The following SNUPN variants were observed in gnomAD, a reference collection of about 807,000 sequenced individuals.
SNUPN encodes the protein snurportin-1.
Under a neutral mutation model 39.2 loss-of-function variants are expected in SNUPN, and 31 were observed. The observed-to-expected ratio is 0.79, with a 90% CI of 0.59 to 1.07. The LOEUF is 1.07. Ranked by LOEUF, SNUPN falls within the 50% of genes least tolerant of loss-of-function variation. The pLI is 0.00. For synonymous variants in SNUPN, 132 were observed against 159.0 expected (o/e 0.83, Z 1.28); for missense variants, 382 against 434.2 (o/e 0.88, Z 1.07).
At chr15:75,617,277 T>C (rs949879916) in intron 3 of SNUPN, 131 bp downstream of exon 3, 70 of 916,722 alleles carry the variant, frequency 7.6e-5, no homozygotes, top group Non-Finnish European at 1.1e-4. Context: ...CACTGGCATG[T>C]TCTTTGCAGT....
In SNUPN at chr15:75,610,014, T is replaced by A; in HGVS notation, c.304-20A>T. 6.3e-7 allele frequency: 1 copy of A among 1,581,318 alleles called. No homozygotes were observed. ...CATCAACTGGAAATGCAAAAAATAGTGTTAAAGATCAGCAGGGGTGTGCTA... is the reference window on the plus strand; with the variant it reads ...CATCAACTGGAAATGCAAAAAATAGAGTTAAAGATCAGCAGGGGTGTGCTA... On this transcript the variant is annotated intron_variant, in intron 3 of 8. Coordinates refer to ENST00000308588, the MANE Select transcript of SNUPN (RefSeq NM_005701.4).
intron 2 of SNUPN, among the ~76,000 whole-genome samples, chr15:75,619,992 AC>A (rs1385390775): frequency 1.3e-5 from 2 of 152,050 alleles, no homozygotes; most frequent in East Asian, 3.9e-4. Context: ...CAGGTGATCC[AC>A]CCACCTCGGC....
At chr15:75,609,800 G>T in intron 4 of SNUPN, 90 bp downstream of exon 4, 1 of 1,194,994 alleles carries the variant, frequency 8.4e-7, no homozygotes, top group Non-Finnish European at 1.2e-6. Context: ...TCCAGGCACA[G>T]CTGTTGTGGC....
intron 8 of SNUPN, 62 bp downstream of exon 8, chr15:75,601,075 TG>T (rs764609328): frequency 2.1e-5 from 24 of 1,161,606 alleles, no homozygotes; most frequent in Non-Finnish European, 2.6e-6. Context: ...TAAGACTTTG[TG>T]TAACTAAGTC....
At chr15:75,610,308 G>A (rs567477367) in intron 3 of SNUPN, among the ~76,000 whole-genome samples, 1 of 151,514 alleles carries the variant, frequency 6.6e-6, no homozygotes, top group Non-Finnish European at 1.5e-5. Flanking sequence ...GCTGAGCCAC[G>A]AGAATTGCTT....
At chr15:75,623,532 C>A (rs1187520823) in intron 1 of SNUPN, among the ~76,000 whole-genome samples, 1 of 150,950 alleles carries the variant, frequency 6.6e-6, no homozygotes, top group African/African-American at 2.4e-5. Flanking sequence ...GCAGCCTCCA[C>A]CTCCTGGGTT....
At chr15:75,620,760 A>C (rs1208275703) in intron 2 of SNUPN, 134 bp downstream of exon 2, 1 of 770,082 alleles carries the variant, frequency 1.3e-6, no homozygotes, top group African/African-American at 1.8e-5. Flanking sequence ...ACCCCTCCCA[A>C]CCTGTGGGCA....
At chr15:75,602,301 G>C (rs889143060) in intron 7 of SNUPN, among the ~76,000 whole-genome samples, 4 of 152,130 alleles carry the variant, frequency 2.6e-5, no homozygotes, top group Admixed American at 2.0e-4. Context: ...GCCGAGAAGG[G>C]CGGATCACGA....
intron 5 of SNUPN, among the ~76,000 whole-genome samples, chr15:75,608,833 T>C (rs1438517195): frequency 6.6e-6 from 1 of 152,100 alleles, no homozygotes; most frequent in Non-Finnish European, 1.5e-5. Context: ...GGTGTCTACA[T>C]GCAGTTTCAA....
intron 1 of SNUPN, 33 bp from the exon 2 acceptor site, chr15:75,621,089 C>T (rs77935734): frequency 0.21 from 344,232 of 1,605,234 alleles, 41,830 homozygotes; most frequent in Non-Finnish European, 0.25. Flanking sequence ...ATGGTTCATT[C>T]ATTTCATATC....
chr15:75,610,940 C>T (rs550864162), intron 3 of SNUPN, among the ~76,000 whole-genome samples: 36 of 152,162 alleles, frequency 2.4e-4, no homozygotes, highest in South Asian at 1.9e-3. Flanking sequence ...GAGACCAAGG[C>T]GGGCGGATCA....
intron 2 of SNUPN, among the ~76,000 whole-genome samples, chr15:75,619,677 A>C (rs924117391): frequency 6.6e-6 from 1 of 152,082 alleles, no homozygotes; most frequent in Non-Finnish European, 1.5e-5. Context: ...GAAACTAATA[A>C]TATAGGAGAG....
chr15:75,622,197 T>A (rs983670120), intron 1 of SNUPN: 1 of 351,832 alleles, frequency 2.8e-6, no homozygotes, highest in Non-Finnish European at 4.0e-6. Flanking sequence ...ACTATGTCTC[T>A]ACTTTTTAAA....
chr15:75,605,180 T>C lies in SNUPN; in HGVS notation c.648A>G (p.Glu216=). 6.2e-7 allele frequency: 1 copy of C among 1,613,464 alleles called. No homozygotes were observed. The highest frequency in any genetic ancestry group is 8.5e-7 in the Non-Finnish European group (1 of 1,179,482). The change falls in exon 7 of 9, where the codon GAA becomes GAG. Residue 216 remains glutamate, a synonymous_variant. Coordinates refer to ENST00000308588, the MANE Select transcript of SNUPN (RefSeq NM_005701.4). ...TAAGCTTGGTTTTCTCTCCCAGTCCTTCTTCTTCTGGTAACTTTGAATGCA... is the reference window on the plus strand; with the variant it reads ...TAAGCTTGGTTTTCTCTCCCAGTCCCTCTTCTTCTGGTAACTTTGAATGCA... ...YWMHSKLPEE[E]GLGEKTKLNP...
intron 2 of SNUPN, 89 bp downstream of exon 2, chr15:75,620,805 G>C (rs1893049091): frequency 4.3e-6 from 5 of 1,149,802 alleles, no homozygotes; most frequent in African/African-American, 1.6e-5. Context: ...ACTTTGAAGG[G>C]AGAGTCTGTA....
Position 75,621,052 on chromosome 15 carries a change from C to A in SNUPN, c.-1G>T. 6.2e-7 allele frequency: 1 copy of A among 1,613,890 alleles called. No individual in the cohort carries two copies. The highest frequency in any genetic ancestry group is 1.1e-5 in the South Asian group (1 of 91,064). ...CCAGGGCCTGACTCAACTCTTCCAT[C>A]TTCCCTACAAAGGAAAACGTAAGAA... is the stretch of plus-strand genomic sequence containing the variant. On this transcript the variant is annotated 5_prime_UTR_variant, in exon 2 of 9. Transcript: ENST00000308588.
intron 3 of SNUPN, among the ~76,000 whole-genome samples, chr15:75,616,158 C>A (rs201700545): frequency 8.0e-6 from 1 of 124,714 alleles, no homozygotes; most frequent in Non-Finnish European, 1.7e-5. Context: ...TTTTTTTTTT[C>A]TTTAGAGATG....
chr15:75,615,571 C>T (rs1252794249), intron 3 of SNUPN, among the ~76,000 whole-genome samples: 1 of 151,370 alleles, frequency 6.6e-6, no homozygotes, highest in Non-Finnish European at 1.5e-5. Context: ...CCCCCTCCTT[C>T]CTCCTTGGTT....
intron 6 of SNUPN, among the ~76,000 whole-genome samples, chr15:75,606,171 C>T (rs2075329743): frequency 6.6e-6 from 1 of 152,164 alleles, no homozygotes; most frequent in South Asian, 2.1e-4. Flanking sequence ...GATAATAGTA[C>T]TTACCTTACA....
Sources: allele counts gnomAD v4.1 joint callset (sites outside exome capture counted in the v4.1 genomes callset), GRCh38; gene constraint gnomAD v4.1.1; transcripts MANE v1.5; gene names NCBI Gene and HGNC (gene_info 2026-07-23, HGNC 2026-07-21).